Variants in GRM1 observed in about 807,000 individuals in gnomAD.
GRM1 encodes the protein glutamate metabotropic receptor 1, also known as metabotropic glutamate receptor 1.
A neutral mutation model predicts 90.9 loss-of-function variants in GRM1; 33 were observed. That is an observed-to-expected ratio of 0.36 (90% CI 0.28 to 0.49). The LOEUF (loss-of-function observed/expected upper bound fraction) is 0.49, where lower values mean the gene tolerates loss of function less well. Ranked by LOEUF, GRM1 falls within the 20% of genes least tolerant of loss-of-function variation. The pLI is 0.99. For synonymous variants in GRM1, 700 were observed against 613.2 expected (o/e 1.14, Z -2.09); for missense variants, 1,190 against 1,534.3 (o/e 0.78, Z 3.75).
At position 146,435,392 on chromosome 6, in the gene GRM1, G is replaced by A. The variant is rs1339078123; in HGVS notation, c.*596G>A. On this transcript the variant is annotated 3_prime_UTR_variant, in exon 8 of 8. Transcript: ENST00000282753. ...GCTGACAGACTCCTCATCTTCAGGA[G>A]ACTCAGGAATGGAGCGGCACAGGGG... 1 of 182,106 alleles carries A rather than the reference G, an allele frequency of 5.5e-6. No homozygotes were observed. Among genetic ancestry groups the A allele is most frequent in the African/African-American group, 2.4e-5 (1 of 42,012 alleles). 11.3% of individuals were successfully genotyped at this position (182,106 alleles called of 1,614,324 possible).
intron 1 of GRM1, among the ~76,000 whole-genome samples, chr6:146,053,448 T>C (rs7739858): frequency 0.021 from 3,157 of 152,202 alleles, 86 homozygotes; most frequent in East Asian, 0.071. Flanking sequence ...ATGATTATAA[T>C]GTAGATTATA....
chr6:146,293,952 A>G (rs1031196128), intron 2 of GRM1, among the ~76,000 whole-genome samples: 8 of 150,544 alleles, frequency 5.3e-5, no homozygotes, highest in Non-Finnish European at 8.9e-5. Context: ...GTTACATTAT[A>G]TTTTAATTTT....
chr6:146,050,463 T>C (rs541712711), intron 1 of GRM1, among the ~76,000 whole-genome samples: 25 of 152,100 alleles, frequency 1.6e-4, no homozygotes, highest in African/African-American at 6.0e-4. Context: ...ACACAGTAAC[T>C]CCTGGAAATG....
At chr6:146,144,709 G>T (rs1255493804) in intron 1 of GRM1, among the ~76,000 whole-genome samples, 1 of 152,198 alleles carries the variant, frequency 6.6e-6, no homozygotes, top group Non-Finnish European at 1.5e-5. Flanking sequence ...CTGGGTAAGA[G>T]ACTGGAAGAG....
intron 3 of GRM1, among the ~76,000 whole-genome samples, chr6:146,320,531 G>A (rs1784143114): frequency 6.6e-6 from 1 of 152,050 alleles, no homozygotes; most frequent in African/African-American, 2.4e-5. Flanking sequence ...AATATTTTCA[G>A]AAGAAATGGT....
At chr6:146,049,408 G>A (rs748764002) in intron 1 of GRM1, among the ~76,000 whole-genome samples, 11 of 152,008 alleles carry the variant, frequency 7.2e-5, no homozygotes, top group Middle Eastern at 3.4e-3. Flanking sequence ...TTTCTTACAC[G>A]TCAGTACTCC....
intron 2 of GRM1, among the ~76,000 whole-genome samples, chr6:146,166,283 C>T (rs771400901): frequency 2.0e-5 from 3 of 151,906 alleles, no homozygotes; most frequent in African/African-American, 7.3e-5. Context: ...TTTATTTTCC[C>T]CGTCTGATGA....
chr6:146,070,757 G>T (rs1333018227), intron 1 of GRM1, among the ~76,000 whole-genome samples: 1 of 152,070 alleles, frequency 6.6e-6, no homozygotes, highest in African/African-American at 2.4e-5. Flanking sequence ...TCAATTTTTG[G>T]CAGCAGAATC....
intron 2 of GRM1, among the ~76,000 whole-genome samples, chr6:146,200,705 G>T (rs1049497382): frequency 2.6e-5 from 4 of 152,038 alleles, no homozygotes; most frequent in African/African-American, 4.8e-5. Context: ...ATTTTTTGGT[G>T]GGGGGGATGG....
chr6:146,137,446 G>T (rs1016318518), intron 1 of GRM1, among the ~76,000 whole-genome samples: 2 of 152,106 alleles, frequency 1.3e-5, no homozygotes, highest in African/African-American at 4.8e-5. Context: ...TATGGTCTTG[G>T]CATCTTTGTT....
chr6:146,364,867 T>C, intron 5 of GRM1: 1 of 151,790 alleles, frequency 6.6e-6, no homozygotes. Context: ...ATAAGGACAA[T>C]TCTCGTATAA....
At chr6:146,317,907 ATCT>A (rs1784032736) in intron 3 of GRM1, among the ~76,000 whole-genome samples, 1 of 152,250 alleles carries the variant, frequency 6.6e-6, no homozygotes, top group Non-Finnish European at 1.5e-5. Context: ...TATGGGAACA[ATCT>A]TCAATCTATC....
At chr6:146,328,501 G>A (rs1583332612) in intron 3 of GRM1, among the ~76,000 whole-genome samples, 1 of 152,122 alleles carries the variant, frequency 6.6e-6, no homozygotes, top group African/African-American at 2.4e-5. Context: ...ATGTGCCAAT[G>A]TTAAATAACA....
At chr6:146,287,657 A>G (rs1782814470) in intron 2 of GRM1, among the ~76,000 whole-genome samples, 1 of 152,200 alleles carries the variant, frequency 6.6e-6, no homozygotes, top group African/African-American at 2.4e-5. Flanking sequence ...ACATAAATTT[A>G]GCCTCTCAGC....
intron 1 of GRM1, among the ~76,000 whole-genome samples, chr6:146,056,198 G>A (rs149407055): frequency 6.6e-4 from 100 of 152,086 alleles, no homozygotes; most frequent in Non-Finnish European, 1.3e-3. Flanking sequence ...ATCTCACACA[G>A]GACAATCTGG....
At chr6:146,386,068 A>ATAAATG (rs1253844103) in intron 5 of GRM1, among the ~76,000 whole-genome samples, 10 of 152,108 alleles carry the variant, frequency 6.6e-5, no homozygotes, top group Non-Finnish European at 1.5e-4. Flanking sequence ...GATTATTATG[A>ATAAATG]TAAATGTAAA....
At chr6:146,363,097 A>T (rs1175945474) in intron 5 of GRM1, among the ~76,000 whole-genome samples, 1 of 152,202 alleles carries the variant, frequency 6.6e-6, no homozygotes, top group Non-Finnish European at 1.5e-5. Flanking sequence ...CTTGAGACAA[A>T]TTGCCAGTGG....
At chr6:146,261,758 T>C (rs1781702506) in intron 2 of GRM1, among the ~76,000 whole-genome samples, 2 of 151,954 alleles carry the variant, frequency 1.3e-5, no homozygotes, top group Non-Finnish European at 1.5e-5. Context: ...TCTAATTTAA[T>C]CTAATTTTAG....
intron 2 of GRM1, among the ~76,000 whole-genome samples, chr6:146,265,082 A>G (rs1781830842): frequency 6.6e-6 from 1 of 152,080 alleles, no homozygotes; most frequent in South Asian, 2.1e-4. Flanking sequence ...TGGTAGTTCT[A>G]GTTTTAGTTC....
Sources: allele counts gnomAD v4.1 joint callset (sites outside exome capture counted in the v4.1 genomes callset), GRCh38; gene constraint gnomAD v4.1.1; transcripts MANE v1.5; gene names NCBI Gene and HGNC (gene_info 2026-07-23, HGNC 2026-07-21).